CST4: variants seen among roughly 807,000 people sequenced by gnomAD.
The protein encoded by CST4 is cystatin-S.
Under a neutral mutation model 11.2 loss-of-function variants are expected in CST4, and 17 were observed. The ratio of observed to expected loss-of-function variants is 1.52; its 90% CI spans 1.04 to 2.27. The LOEUF is 2.27. Among genes scored for constraint, CST4 ranks in the 30% most tolerant of loss-of-function variants. The pLI is 0.00. For missense variants in CST4, 251 were observed against 180.2 expected, an observed-to-expected ratio of 1.39 and a Z score of -2.25; for synonymous variants, 93 against 70.1, an observed-to-expected ratio of 1.33 and a Z score of -1.63.
chr20:23,688,900 T>C lies in CST4; in HGVS notation c.70A>G (p.Lys24Glu), dbSNP rs2122562713. The C allele has an allele frequency of 6.2e-7, 1 of 1,614,118 alleles. No individual in the cohort carries two copies. Among genetic ancestry groups the C allele is most frequent in the Non-Finnish European group, 8.5e-7 (1 of 1,180,024 alleles). Reference sequence around the variant, plus strand: ...CCTGGGATTATCCTATTCTCCTCCTTGGAGCTCGAGGCCAGAGCCCCAGCC... The same window carrying C: ...CCTGGGATTATCCTATTCTCCTCCTCGGAGCTCGAGGCCAGAGCCCCAGCC... Reference protein sequence around the residue: ...TLAGALASSSKEENRIIPGGI... With the variant: ...TLAGALASSSEEENRIIPGGI... The change falls in exon 1 of 3, where the codon AAG becomes GAG. Residue 24 changes from lysine to glutamate, a missense_variant. Transcript: ENST00000217423.
chr20:23,687,694 A>T (rs1222840246), intron 1 of CST4, among the ~76,000 whole-genome samples: 1 of 152,200 alleles, frequency 6.6e-6, no homozygotes, highest in African/African-American at 2.4e-5. Context: ...ACAATTGCAG[A>T]TTATAATTGA....
chr20:23,686,723 C>T (rs1170625539), intron 2 of CST4, among the ~76,000 whole-genome samples: 2 of 152,002 alleles, frequency 1.3e-5, no homozygotes, highest in East Asian at 1.9e-4. Context: ...ACACATCACC[C>T]CCTCCCTCAC....
At position 23,688,247 on chromosome 20, in the gene CST4, T is replaced by G. The variant is rs189943754; in HGVS notation, c.228+495A>C. Among the ~76,000 whole-genome samples, 130 of 152,316 alleles carry G rather than the reference T, an allele frequency of 8.5e-4. 1 individual carries two copies. The highest frequency in any genetic ancestry group is 1.3e-3 in the Non-Finnish European group (91 of 68,024). On this transcript the variant is annotated intron_variant, in intron 1 of 2. Coordinates refer to ENST00000217423, the MANE Select transcript of CST4 (RefSeq NM_001899.3). ...CAGCAGGGACTCAGCCATCCTGGCCTGCAGGGGTGGGTCAGCCTGCCTGAG... is the reference window on the plus strand; with the variant it reads ...CAGCAGGGACTCAGCCATCCTGGCCGGCAGGGGTGGGTCAGCCTGCCTGAG...
intron 1 of CST4, among the ~76,000 whole-genome samples, chr20:23,688,273 G>A (rs966464776): frequency 6.6e-6 from 1 of 152,230 alleles, no homozygotes; most frequent in African/African-American, 2.4e-5. Context: ...CCTGCCTGAG[G>A]GTGAAGGCCA....
intron 1 of CST4, 56 bp downstream of exon 1, chr20:23,688,686 G>A: frequency 6.6e-7 from 1 of 1,520,474 alleles, no homozygotes; most frequent in South Asian, 1.1e-5. Flanking sequence ...GCTCTTGGGG[G>A]TCCGGCAACA....
In CST4 at chr20:23,687,197, A is replaced by G. The variant is rs747621849; in HGVS notation, c.233T>C (p.Phe78Ser). The G allele has an allele frequency of 5.0e-6, 8 of 1,613,566 alleles. No individual in the cohort carries two copies. Among genetic ancestry groups the G allele is most frequent in the East Asian group, 4.5e-5 (2 of 44,874 alleles). Residue 78 changes from phenylalanine to serine, a missense_variant, in exon 2 of 3, where the codon TTT (phenylalanine) becomes TCT (serine). Phe to Ser is a radical substitution (Grantham distance 155, BLOSUM62 -2). Transcript: ENST00000217423. ...GTCGAAGAAGTAATTCACCCCCCCAAAGGTCTGCACACAGGAGAAAACAGG... is the reference window on the plus strand; with the variant it reads ...GTCGAAGAAGTAATTCACCCCCCCAGAGGTCTGCACACAGGAGAAAACAGG... ...LQVLRAREQT[F>S]GGVNYFFDVE... is the part of the protein sequence containing the mutation.
chr20:23,686,255 C>T (rs1473013414), intron 2 of CST4, among the ~76,000 whole-genome samples: 8 of 152,234 alleles, frequency 5.3e-5, no homozygotes, highest in South Asian at 2.1e-4. Flanking sequence ...GGCAAGGCCT[C>T]GGGAGCCCCA....
At position 23,687,294 on chromosome 20, in the gene CST4, T is replaced by C. The variant is rs374849025; in HGVS notation, c.229-93A>G. 1.7e-5 allele frequency: 18 copies of C among 1,043,222 alleles called. No individual in the cohort carries two copies. In the Admixed American group the frequency reaches 2.0e-4, roughly 12 times the overall value. The allele number at this position is 1,043,222 out of a possible 1,614,324, so 64.6% of individuals were successfully genotyped here. On this transcript the variant is annotated intron_variant, in intron 1 of 2. Coordinates refer to ENST00000217423, the MANE Select transcript of CST4 (RefSeq NM_001899.3). ...ACTGTGGCTGAGTCACTGGACTTGC[T>C]TGGGGGCTTCGTGAGCTGCCCACAT...
At position 23,688,927 on chromosome 20, in the gene CST4, G is replaced by T; in HGVS notation, c.43C>A (p.Leu15Met). The change falls in exon 1 of 3, where the codon CTG becomes ATG. Residue 15 changes from leucine (L) to methionine (M), a missense_variant. Coordinates refer to ENST00000217423, the MANE Select transcript of CST4 (RefSeq NM_001899.3). ...GAGCTCGAGGCCAGAGCCCCAGCCA[G>T]GGTAGCCATCAGGAGTAGCAGGGTA... ...LCTLLLLMATLAGALASSSKE... is the reference protein window; with the variant it reads ...LCTLLLLMATMAGALASSSKE... 6.2e-7 allele frequency: 1 copy of T among 1,614,186 alleles called. No individual in the cohort carries two copies. The highest frequency in any genetic ancestry group is 8.5e-7 in the Non-Finnish European group (1 of 1,180,022).
Position 23,688,923 on chromosome 20 carries a change from G to T in CST4, c.47C>A (p.Ala16Asp). ...CTLLLLMATL[A>D]GALASSSKEE... ...CTTGGAGCTCGAGGCCAGAGCCCCA[G>T]CCAGGGTAGCCATCAGGAGTAGCAG... is the stretch of plus-strand genomic sequence containing the variant. Residue 16 changes from alanine to aspartate, a missense_variant, in exon 1 of 3, where the codon GCT becomes GAT. Coordinates refer to ENST00000217423, the MANE Select transcript of CST4 (RefSeq NM_001899.3). 1 of 1,614,172 alleles carries T rather than the reference G, an allele frequency of 6.2e-7. No individual in the cohort carries two copies. The highest frequency in any genetic ancestry group is 1.1e-5 in the South Asian group (1 of 91,086).
In CST4 at chr20:23,688,670, T is replaced by G. The variant is rs1981122467; in HGVS notation, c.228+72A>C. On this transcript the variant is annotated intron_variant, in intron 1 of 2. Transcript: ENST00000217423. ...ATGAATGTGTCAGTGTTGATTTGCT[T>G]GGAATGCTCTTGGGGGTCCGGCAAC... 5.0e-6 allele frequency: 7 copies of G among 1,403,578 alleles called. No homozygotes were observed. In the East Asian group the frequency reaches 9.1e-5, roughly 18 times the overall value. The allele number at this position is 1,403,578 out of a possible 1,614,324, so 86.9% of individuals were successfully genotyped here.
At chr20:23,686,808 C>G (rs542865681) in intron 2 of CST4, among the ~76,000 whole-genome samples, 56 of 152,062 alleles carry the variant, frequency 3.7e-4, no homozygotes, top group Non-Finnish European at 6.6e-4. Context: ...TATGTACAAA[C>G]CCCCATACTT....
intron 1 of CST4, 116 bp from the exon 2 acceptor site, chr20:23,687,317 C>T (rs903238704): frequency 1.2e-6 from 1 of 861,190 alleles, no homozygotes; most frequent in Non-Finnish European, 1.9e-6. Context: ...GAGCTGCCCA[C>T]ATGTCAACAC....
rs6138037 is a variant in CST4, at chr20:23,685,847, T to G, written c.*47A>C. On this transcript the variant is annotated 3_prime_UTR_variant, in exon 3 of 3. Transcript: ENST00000217423. The stretch of plus-strand genomic sequence containing the variant: ...CAGTCCAGGGGTGGGAGCACTACAG[T>G]GGGTGGGAGTGGGTGGTGGTCGGTG... The G allele has an allele frequency of 0.12, 193,902 of 1,587,748 alleles. 13,439 individuals carry two copies. The highest frequency in any genetic ancestry group is 0.28 in the African/African-American group (21,094 of 74,252).
intron 2 of CST4, among the ~76,000 whole-genome samples, chr20:23,686,546 G>T (rs1981047406): frequency 1.3e-5 from 2 of 152,160 alleles, no homozygotes; most frequent in South Asian, 2.1e-4. Flanking sequence ...TCTGATTGTG[G>T]CTTTGGCTGC....
At chr20:23,687,945 C>T (rs1981100967) in intron 1 of CST4, among the ~76,000 whole-genome samples, 1 of 152,328 alleles carries the variant, frequency 6.6e-6, no homozygotes, top group East Asian at 1.9e-4. Flanking sequence ...GGGAGTGCAC[C>T]TCCTGTGCAG....
At chr20:23,686,893 C>G (rs1219063621) in intron 2 of CST4, among the ~76,000 whole-genome samples, 195 bp downstream of exon 2, 2 of 152,144 alleles carry the variant, frequency 1.3e-5, no homozygotes, top group Non-Finnish European at 2.9e-5. Flanking sequence ...TGTGTACACA[C>G]GTGCACCTTT....
rs758715707 is a variant in CST4, at chr20:23,688,791, T to C, written c.179A>G (p.Glu60Gly). Residue 60 changes from glutamate to glycine, a missense_variant, in exon 1 of 3, where the codon GAA becomes GGA. Coordinates refer to ENST00000217423, the MANE Select transcript of CST4 (RefSeq NM_001899.3). ...FAISEYNKAT[E>G]DEYYRRPLQV... is the part of the protein sequence containing the mutation. ...CAGCGGGCGTCTGTAGTACTCATCT[T>C]CGGTGGCCTTGTTGTACTCGCTGAT... The C allele has an allele frequency of 1.1e-5, 18 of 1,614,170 alleles. No individual in the cohort carries two copies. The Middle Eastern group carries it at 5.0e-4, about 44-fold the overall frequency.
chr20:23,685,984 A>C lies in CST4; in HGVS notation c.343-7T>G. On this transcript the variant is annotated splice_polypyrimidine_tract_variant and splice_region_variant and intron_variant, in intron 2 of 2. Transcript: ENST00000217423. ...CGAAAGAGCACAACTGTTTCTGTGA[A>C]AGGGAAGAGAGAGGGCCAATCAGTG... is the stretch of plus-strand genomic sequence containing the variant. 1 of 1,613,520 alleles carries C rather than the reference A, an allele frequency of 6.2e-7. No individual in the cohort carries two copies. The highest frequency in any genetic ancestry group is 1.1e-5 in the South Asian group (1 of 91,068).
Sources: gnomAD v4.1 joint callset for allele counts (sites outside exome capture counted in the v4.1 genomes callset) on GRCh38, gnomAD v4.1.1 for gene constraint, MANE v1.5 for transcripts, NCBI Gene and HGNC (gene_info 2026-07-23, HGNC 2026-07-21) for gene names.